The following PKHD1 variants were observed in gnomAD, a reference collection of about 807,000 sequenced individuals.
PKHD1 encodes the protein fibrocystin.
PKHD1 carries 291 observed loss-of-function variants against 412.0 expected under a neutral mutation model. That is an observed-to-expected ratio of 0.71 (90% CI 0.64 to 0.78). The LOEUF (loss-of-function observed/expected upper bound fraction) is 0.78, where lower values mean the gene tolerates loss of function less well. Ranked by LOEUF, PKHD1 falls within the 30% of genes least tolerant of loss-of-function variation. The probability of loss-of-function intolerance (pLI) is 0.00; values close to 1 mark genes in which losing one functional copy is unlikely to be tolerated. For missense variants in PKHD1, 4,825 were observed against 4,950.7 expected (o/e 0.97, Z 0.76); for synonymous variants, 1,777 against 1,821.5 (o/e 0.98, Z 0.62).
intron 36 of PKHD1, among the ~76,000 whole-genome samples, chr6:51,946,009 T>C (rs1471342276): frequency 3.3e-5 from 5 of 152,240 alleles, no homozygotes; most frequent in African/African-American, 1.2e-4. Context: ...AATGAAGATA[T>C]ACCTTGTCTT....
intron 65 of PKHD1, among the ~76,000 whole-genome samples, chr6:51,629,402 G>T (rs760575444): frequency 2.6e-5 from 4 of 151,918 alleles, no homozygotes; most frequent in Admixed American, 6.6e-5. Context: ...AATGGGCAAA[G>T]GACGTGAACA....
intron 37 of PKHD1, among the ~76,000 whole-genome samples, chr6:51,931,466 T>C (rs911614547): frequency 6.6e-6 from 1 of 152,190 alleles, no homozygotes; most frequent in Non-Finnish European, 1.5e-5. Flanking sequence ...GAAATGACTT[T>C]AGCCATGATA....
Position 51,763,105 on chromosome 6 carries a change from T to G in PKHD1, c.8643-8167A>C, listed in dbSNP as rs556243436. 1.2e-4 allele frequency among the ~76,000 whole-genome samples: 18 copies of G among 152,224 alleles called. No homozygotes were observed. The South Asian group carries it at 2.7e-3, about 23-fold the overall frequency. On this transcript the variant is annotated intron_variant, in intron 55 of 66. Transcript: ENST00000371117. ...AACTTTGTTTTTAATATTTGTAATA[T>G]GTAGAACACACGCAATGGAATCAGA...
intron 53 of PKHD1, among the ~76,000 whole-genome samples, chr6:51,783,396 C>CTG (rs1562301063): frequency 2.7e-5 from 1 of 37,482 alleles, no homozygotes; most frequent in East Asian, 2.7e-3. Flanking sequence ...TATTTAAATA[C>CTG]TATATTTATT....
chr6:51,828,090 TAAG>T (rs1290432334), intron 52 of PKHD1, among the ~76,000 whole-genome samples: 1 of 152,136 alleles, frequency 6.6e-6, no homozygotes, highest in Non-Finnish European at 1.5e-5. Context: ...TATTTCAAGT[TAAG>T]AATGCGGATG....
intron 35 of PKHD1, among the ~76,000 whole-genome samples, chr6:51,973,207 G>T (rs777954742): frequency 3.3e-5 from 5 of 152,148 alleles, no homozygotes; most frequent in Non-Finnish European, 5.9e-5. Flanking sequence ...TTTCACTGTT[G>T]ATGAAGAAGA....
chr6:51,932,772 A>G (rs1201778332), intron 37 of PKHD1, among the ~76,000 whole-genome samples: 1 of 152,202 alleles, frequency 6.6e-6, no homozygotes, highest in Non-Finnish European at 1.5e-5. Context: ...TTTGATCCCC[A>G]GTGTCTAGCA....
Position 51,934,242 on chromosome 6 carries a change from G to A in PKHD1, c.5989C>T (p.Arg1997Trp), listed in dbSNP as rs369801937. ...AAGGGCTTGTCTTCGGATCCAATCC[G>A]GAGCTCTCCACCATCAGAAACAAGG... Reference protein sequence around the residue: ...AILVSDGGELRIGSEDKPFQG... With the variant: ...AILVSDGGELWIGSEDKPFQG... Residue 1997 changes from arginine (R) to tryptophan (W), a missense_variant, in exon 37 of 67, where the codon CGG becomes TGG. Coordinates refer to ENST00000371117, the MANE Select transcript of PKHD1 (RefSeq NM_138694.4). 4.3e-6 allele frequency: 7 copies of A among 1,613,708 alleles called. No individual in the cohort carries two copies. In the East Asian group the frequency reaches 6.7e-5, roughly 15 times the overall value.
At chr6:52,033,616 A>T (rs1364710498) in intron 28 of PKHD1, among the ~76,000 whole-genome samples, 1 of 151,594 alleles carries the variant, frequency 6.6e-6, no homozygotes, top group South Asian at 2.1e-4. Context: ...TTATTATCTC[A>T]TAAAATAAAT....
chr6:51,908,125 C>T (rs989863758), intron 40 of PKHD1, among the ~76,000 whole-genome samples: 3 of 152,102 alleles, frequency 2.0e-5, no homozygotes, highest in Non-Finnish European at 4.4e-5. Flanking sequence ...AATAAAGATA[C>T]TAATCAATCC....
chr6:51,634,834 C>A (rs1768332108), intron 64 of PKHD1, among the ~76,000 whole-genome samples: 1 of 152,142 alleles, frequency 6.6e-6, no homozygotes, highest in Admixed American at 6.5e-5. Context: ...GAATTTGAGA[C>A]AAATCTGGAT....
chr6:51,732,471 A>G (rs1783346126), intron 60 of PKHD1, among the ~76,000 whole-genome samples: 1 of 152,246 alleles, frequency 6.6e-6, no homozygotes, highest in Non-Finnish European at 1.5e-5. Context: ...GCCCAATTCA[A>G]AAATTAATAT....
chr6:52,082,119 C>T (rs1812118866), intron 4 of PKHD1, among the ~76,000 whole-genome samples: 1 of 151,950 alleles, frequency 6.6e-6, no homozygotes, highest in Non-Finnish European at 1.5e-5. Context: ...ATCTTAATAG[C>T]CATAGAACTC....
At chr6:51,997,163 G>A (rs1797812852) in intron 35 of PKHD1, among the ~76,000 whole-genome samples, 1 of 152,182 alleles carries the variant, frequency 6.6e-6, no homozygotes, top group Non-Finnish European at 1.5e-5. Context: ...AGGAAAGCAA[G>A]TAGGCCTAGA....
chr6:51,809,276 G>A (rs1234655040), intron 52 of PKHD1, among the ~76,000 whole-genome samples: 3 of 151,920 alleles, frequency 2.0e-5, no homozygotes, highest in Non-Finnish European at 2.9e-5. Context: ...TTTAGCATGT[G>A]GGTAGACAAC....
At chr6:51,845,348 T>C (rs1770954722) in intron 50 of PKHD1, among the ~76,000 whole-genome samples, 1 of 152,222 alleles carries the variant, frequency 6.6e-6, no homozygotes, top group South Asian at 2.1e-4. Context: ...ATACCATCAC[T>C]GTGACAGCCC....
At chr6:51,920,298 C>A (rs1297705706) in intron 37 of PKHD1, among the ~76,000 whole-genome samples, 1 of 152,198 alleles carries the variant, frequency 6.6e-6, no homozygotes, top group Non-Finnish European at 1.5e-5. Flanking sequence ...TGACATACAT[C>A]CCGTCAATAC....
At chr6:52,018,444 A>G (rs1451145176) in intron 33 of PKHD1, among the ~76,000 whole-genome samples, 1 of 152,190 alleles carries the variant, frequency 6.6e-6, no homozygotes, top group Non-Finnish European at 1.5e-5. Flanking sequence ...ATTTTTGCCA[A>G]TCAGGTGTGT....
chr6:52,084,395 C>T (rs1303024795), intron 2 of PKHD1, among the ~76,000 whole-genome samples: 6 of 152,138 alleles, frequency 3.9e-5, no homozygotes, highest in East Asian at 1.9e-4. Context: ...TAAAAAGATA[C>T]AGAGGATAAC....
Sources: allele counts gnomAD v4.1 joint callset (sites outside exome capture counted in the v4.1 genomes callset), GRCh38; gene constraint gnomAD v4.1.1; transcripts MANE v1.5; gene names NCBI Gene and HGNC (gene_info 2026-07-23, HGNC 2026-07-21).